THSD4: variants seen among roughly 807,000 people sequenced by gnomAD.
The protein encoded by THSD4 is thrombospondin type-1 domain-containing protein 4.
In THSD4, 69 loss-of-function variants were observed where a neutral mutation model predicts 119.0. The observed-to-expected ratio is 0.58, with a 90% CI of 0.48 to 0.71. THSD4 has a LOEUF of 0.71. Ranked by LOEUF, THSD4 falls within the 30% of genes least tolerant of loss-of-function variation. The pLI is 0.00. For synonymous variants in THSD4, 524 were observed against 540.4 expected (o/e 0.97, Z 0.42); for missense variants, 1,393 against 1,391.1 (o/e 1.00, Z -0.02).
intron 8 of THSD4, among the ~76,000 whole-genome samples, chr15:71,727,354 G>A (rs8026034): frequency 0.76 from 115,272 of 151,174 alleles, 44,351 homozygotes; most frequent in East Asian, 0.92. Flanking sequence ...GACCCTCTTA[G>A]CTTTAGCTTT....
intron 6 of THSD4, among the ~76,000 whole-genome samples, chr15:71,379,435 T>A (rs1411301429): frequency 2.7e-5 from 4 of 148,704 alleles, no homozygotes; most frequent in Non-Finnish European, 4.5e-5. Flanking sequence ...GACAAATTAC[T>A]GAAGCAAATG....
intron 7 of THSD4, among the ~76,000 whole-genome samples, chr15:71,502,669 ACATAT>A (rs1207813061): frequency 6.6e-6 from 1 of 152,238 alleles, no homozygotes; most frequent in African/African-American, 2.4e-5. Flanking sequence ...TTGAAAAATA[ACATAT>A]CAGATCATAA....
intron 3 of THSD4, chr15:71,187,491 G>C (rs746671119): frequency 1.0e-3 from 152 of 152,720 alleles, no homozygotes; most frequent in Non-Finnish European, 2.0e-3. Flanking sequence ...GGATGAAGAG[G>C]AACTTGGTGG....
intron 2 of THSD4, 106 bp downstream of exon 2, chr15:71,141,662 A>G (rs1055225419): frequency 3.5e-5 from 46 of 1,299,074 alleles, no homozygotes; most frequent in Non-Finnish European, 4.5e-5. Flanking sequence ...TCTGCAGCTG[A>G]CTGATATTTT....
intron 7 of THSD4, among the ~76,000 whole-genome samples, chr15:71,653,932 A>ACTCTGCCCACCTCCCT (rs148011322): frequency 1.3e-5 from 2 of 151,528 alleles, no homozygotes; most frequent in East Asian, 2.0e-4. Context: ...GCTGCACAGG[A>ACTCTGCCCACCTCCCT]CTCGACATTT....
chr15:71,563,243 AC>A, intron 7 of THSD4, among the ~76,000 whole-genome samples: 1 of 152,074 alleles, frequency 6.6e-6, no homozygotes, highest in South Asian at 2.1e-4. Context: ...ACTGATGAGG[AC>A]CCCCATCAGA....
intron 7 of THSD4, among the ~76,000 whole-genome samples, chr15:71,502,394 T>G (rs1277891223): frequency 1.3e-5 from 2 of 152,220 alleles, no homozygotes; most frequent in African/African-American, 4.8e-5. Context: ...TATGTTTCTT[T>G]GCAAACTTTT....
rs189726354 is a variant in THSD4 at position 71,420,445 on chromosome 15, T to A, written c.1152+8622T>A. Among the ~76,000 whole-genome samples, 13 of 106,650 alleles carry A rather than the reference T, an allele frequency of 1.2e-4. 4 individuals carry two copies. In the East Asian group the frequency reaches 2.2e-3, roughly 18 times the overall value. 70.0% of individuals were successfully genotyped at this position (106,650 alleles called of 152,430 possible). On this transcript the variant is annotated intron_variant, in intron 7 of 17. Transcript: ENST00000261862. The stretch of plus-strand genomic sequence containing the variant: ...CATTCAGCCACTCTATGTCTTTTGA[T>A]TTGTGAGTTTTGTCCATTTCCATTC...
intron 7 of THSD4, among the ~76,000 whole-genome samples, chr15:71,558,422 T>C (rs1375586865): frequency 6.6e-6 from 1 of 152,244 alleles, no homozygotes; most frequent in Non-Finnish European, 1.5e-5. Flanking sequence ...TCTTGTAGTG[T>C]TACTTATGTT....
intron 7 of THSD4, among the ~76,000 whole-genome samples, chr15:71,421,691 A>G (rs941427449): frequency 6.6e-6 from 1 of 152,056 alleles, no homozygotes; most frequent in Non-Finnish European, 1.5e-5. Context: ...CCCTTCTTGT[A>G]CTTAAATATT....
At chr15:71,699,845 A>C (rs953036258) in intron 8 of THSD4, among the ~76,000 whole-genome samples, 1 of 152,222 alleles carries the variant, frequency 6.6e-6, no homozygotes, top group South Asian at 2.1e-4. Context: ...TAGGATATCT[A>C]TTACGCACCA....
chr15:71,554,959 A>G (rs569250673), intron 7 of THSD4, among the ~76,000 whole-genome samples: 2 of 152,280 alleles, frequency 1.3e-5, no homozygotes, highest in South Asian at 4.1e-4. Context: ...TCCCAGTACT[A>G]TGCACCACTC....
At chr15:71,634,198 A>AAAAAGAAAAAG (rs1555434373) in intron 7 of THSD4, among the ~76,000 whole-genome samples, 3 of 147,270 alleles carry the variant, frequency 2.0e-5, no homozygotes, top group Admixed American at 1.3e-4. Context: ...AAAAAAAAAA[A>AAAAAGAAAAAG]AAAAAGAAAA....
intron 7 of THSD4, among the ~76,000 whole-genome samples, chr15:71,564,554 C>T (rs901608911): frequency 6.7e-6 from 1 of 150,190 alleles, no homozygotes; most frequent in Non-Finnish European, 1.5e-5. Flanking sequence ...ACCCAAAACC[C>T]TTGAGACTCA....
intron 7 of THSD4, among the ~76,000 whole-genome samples, chr15:71,530,913 T>C (rs576875208): frequency 7.5e-6 from 1 of 133,280 alleles, no homozygotes. Context: ...GAAAGTGAAG[T>C]ACAGGGGCTT....
At chr15:71,771,243 G>C in intron 17 of THSD4, 35 bp downstream of exon 17, 1 of 1,610,394 alleles carries the variant, frequency 6.2e-7, no homozygotes. Context: ...GGAAAGGTTT[G>C]TGTTTTTTAA....
chr15:71,372,433 A>G (rs910590992), intron 6 of THSD4, among the ~76,000 whole-genome samples: 1 of 152,164 alleles, frequency 6.6e-6, no homozygotes, highest in Non-Finnish European at 1.5e-5. Flanking sequence ...GTCTTTGATG[A>G]TGGTGACGTA....
intron 7 of THSD4, chr15:71,660,317 A>G: frequency 1.7e-6 from 1 of 577,898 alleles, no homozygotes; most frequent in Non-Finnish European, 3.1e-6. Flanking sequence ...TCTTTTTCCC[A>G]GTGTTATTTT....
intron 3 of THSD4, among the ~76,000 whole-genome samples, chr15:71,195,764 G>A (rs928312228): frequency 6.6e-6 from 1 of 152,154 alleles, no homozygotes; most frequent in Non-Finnish European, 1.5e-5. Context: ...AAGACTGGTG[G>A]CAGGGAGACC....
Sources: gnomAD v4.1 joint callset for allele counts (sites outside exome capture counted in the v4.1 genomes callset) on GRCh38, gnomAD v4.1.1 for gene constraint, MANE v1.5 for transcripts, NCBI Gene and HGNC (gene_info 2026-07-23, HGNC 2026-07-21) for gene names.